The following GALNT17 variants were observed in gnomAD, a reference collection of about 807,000 sequenced individuals.
GALNT17 encodes the protein UDP-GalNAc:polypeptide N-acetylgalactosaminyltransferase-like 3.
In GALNT17, 29 loss-of-function variants were observed where a neutral mutation model predicts 63.7. That is an observed-to-expected ratio of 0.46 (90% CI 0.34 to 0.62). The LOEUF (loss-of-function observed/expected upper bound fraction) is 0.62, where lower values mean the gene tolerates loss of function less well. GALNT17 is among the 20% of genes least tolerant of loss of function. The pLI, the probability that GALNT17 is intolerant of heterozygous loss-of-function variation, is 0.01. For missense variants in GALNT17, 603 were observed against 799.6 expected (o/e 0.75, Z 2.97); for synonymous variants, 305 against 318.3 (o/e 0.96, Z 0.45).
At chr7:71,160,879 C>T (rs539101485) in intron 1 of GALNT17, among the ~76,000 whole-genome samples, 7 of 152,098 alleles carry the variant, frequency 4.6e-5, no homozygotes, top group Non-Finnish European at 7.4e-5. Context: ...ACTCCGTTGC[C>T]CAGGCTGTGA....
intron 6 of GALNT17, among the ~76,000 whole-genome samples, chr7:71,592,095 G>A (rs1562703039): frequency 6.6e-6 from 1 of 152,196 alleles, no homozygotes; most frequent in African/African-American, 2.4e-5. Context: ...TGCTTCCAGG[G>A]CCAGGGAACT....
intron 1 of GALNT17, among the ~76,000 whole-genome samples, chr7:71,235,940 CA>C (rs1789880057): frequency 6.6e-6 from 1 of 152,162 alleles, no homozygotes; most frequent in Non-Finnish European, 1.5e-5. Flanking sequence ...AGCACTTTGG[CA>C]TGCTGAGGCG....
intron 5 of GALNT17, among the ~76,000 whole-genome samples, chr7:71,497,858 T>C (rs566135947): frequency 4.6e-4 from 70 of 152,354 alleles, no homozygotes; most frequent in African/African-American, 1.6e-3. Context: ...GGTGCTCTTT[T>C]TGTCTTACAG....
intron 1 of GALNT17, among the ~76,000 whole-genome samples, chr7:71,290,836 G>A (rs903691141): frequency 6.6e-6 from 1 of 152,152 alleles, no homozygotes; most frequent in African/African-American, 2.4e-5. Context: ...ATAAAAGGCG[G>A]TAATTGGAAA....
chr7:71,409,017 AACACAC>A (rs10674037), intron 3 of GALNT17, among the ~76,000 whole-genome samples: 1,926 of 144,928 alleles, frequency 0.013, 21 homozygotes, highest in Non-Finnish European at 0.017. Flanking sequence ...CACATACACA[AACACAC>A]ACACACACAC....
intron 2 of GALNT17, among the ~76,000 whole-genome samples, chr7:71,375,770 C>T (rs976232814): frequency 6.6e-6 from 1 of 152,184 alleles, no homozygotes; most frequent in Non-Finnish European, 1.5e-5. Context: ...CGTGGTGGCT[C>T]ATGCCTGTAA....
chr7:71,632,877 G>T (rs1444447744), intron 6 of GALNT17, among the ~76,000 whole-genome samples: 2 of 152,058 alleles, frequency 1.3e-5, no homozygotes, highest in African/African-American at 2.4e-5. Flanking sequence ...GCTGAGGTGG[G>T]TGAATCACTT....
chr7:71,172,122 A>G (rs896082335), intron 1 of GALNT17, among the ~76,000 whole-genome samples: 5 of 152,122 alleles, frequency 3.3e-5, no homozygotes, highest in African/African-American at 1.2e-4. Context: ...AGAATATGAG[A>G]GGAGGGCGAA....
intron 5 of GALNT17, among the ~76,000 whole-genome samples, chr7:71,472,670 G>A (rs1234923457): frequency 6.6e-6 from 1 of 152,184 alleles, no homozygotes; most frequent in Non-Finnish European, 1.5e-5. Flanking sequence ...TGGGGACAGA[G>A]TGAGACTTTG....
intron 1 of GALNT17, among the ~76,000 whole-genome samples, chr7:71,320,707 A>G (rs981299303): frequency 2.0e-5 from 3 of 152,170 alleles, no homozygotes; most frequent in African/African-American, 7.2e-5. Context: ...CTATAAATTA[A>G]TTAGAGATGA....
chr7:71,684,050 G>A lies in GALNT17; in HGVS notation c.1500+6744G>A, dbSNP rs143350182. Among the ~76,000 whole-genome samples, 4 of 151,216 alleles carry A rather than the reference G, an allele frequency of 2.6e-5. No homozygotes were observed. The East Asian group carries it at 7.8e-4, about 29-fold the overall frequency. ...AACAAAAGAAACCATCAAGGATGCA[G>A]TAGCAGCCTTAGTGTTGGCTTGAAC... is the stretch of plus-strand genomic sequence containing the variant. On this transcript the variant is annotated intron_variant, in intron 9 of 10. Transcript: ENST00000333538.
intron 2 of GALNT17, among the ~76,000 whole-genome samples, chr7:71,376,148 C>T (rs1409972161): frequency 6.6e-6 from 1 of 152,022 alleles, no homozygotes; most frequent in Non-Finnish European, 1.5e-5. Context: ...TGCTGCTTGG[C>T]GTAAAGCTAT....
chr7:71,584,047 A>T (rs927716134), intron 6 of GALNT17, among the ~76,000 whole-genome samples: 33 of 152,050 alleles, frequency 2.2e-4, no homozygotes, highest in Non-Finnish European at 4.1e-4. Context: ...CAGGAGAATC[A>T]CTTGAACCTG....
chr7:71,628,549 G>A (rs76855636), intron 6 of GALNT17, among the ~76,000 whole-genome samples: 15,364 of 152,048 alleles, frequency 0.1, 1,380 homozygotes, highest in East Asian at 0.49. Context: ...TCTCTAACTC[G>A]TGACCTCAGG....
chr7:71,454,280 AT>A (rs1787316792), intron 5 of GALNT17, among the ~76,000 whole-genome samples: 1 of 152,090 alleles, frequency 6.6e-6, no homozygotes, highest in Admixed American at 6.5e-5. Context: ...GTGTCCATGT[AT>A]TCTCATTGTT....
intron 5 of GALNT17, among the ~76,000 whole-genome samples, chr7:71,448,862 T>C (rs1787206317): frequency 6.6e-6 from 1 of 152,138 alleles, no homozygotes; most frequent in Non-Finnish European, 1.5e-5. Context: ...AAATAAATTA[T>C]AAAGCCAAGA....
chr7:71,702,116 T>G (rs899743619), intron 9 of GALNT17, among the ~76,000 whole-genome samples: 5 of 151,462 alleles, frequency 3.3e-5, no homozygotes, highest in African/African-American at 1.2e-4. Context: ...CAATAGACAC[T>G]GTGGACTACC....
Position 71,712,319 on chromosome 7 carries a change from C to A in GALNT17, c.*173C>A. On this transcript the variant is annotated 3_prime_UTR_variant, in exon 11 of 11. Transcript: ENST00000333538. ...CCCGGATGAAGACTCTGTCCCCCCT[C>A]AGGCATTCAGCTGCCCACAAGTTTC... 1.4e-6 allele frequency: 1 copy of A among 715,636 alleles called. No homozygotes were observed. Among genetic ancestry groups the A allele is most frequent in the East Asian group, 3.2e-5 (1 of 31,030 alleles). 44.3% of individuals were successfully genotyped at this position (715,636 alleles called of 1,614,324 possible). A position where few individuals can be genotyped will look rare whatever the true frequency, so the allele number is the denominator to read the frequency against.
In GALNT17 at chr7:71,383,190, A is replaced by G. The variant is rs542035558; in HGVS notation, c.423-5045A>G. 1.1e-4 allele frequency among the ~76,000 whole-genome samples: 16 copies of G among 152,262 alleles called. No homozygotes were observed. In the South Asian group the frequency reaches 2.5e-3, roughly 24 times the overall value. On this transcript the variant is annotated intron_variant, in intron 2 of 10. Coordinates refer to ENST00000333538, the MANE Select transcript of GALNT17 (RefSeq NM_022479.3). ...ATTGCAGAATTTCCTTCCTTTTTAA[A>G]ACTGGATAACATTCCATTTTATATA...
Sources: allele counts gnomAD v4.1 joint callset (sites outside exome capture counted in the v4.1 genomes callset), GRCh38; gene constraint gnomAD v4.1.1; transcripts MANE v1.5; gene names NCBI Gene and HGNC (gene_info 2026-07-23, HGNC 2026-07-21).